The following EVI5 variants were observed in gnomAD, a reference collection of about 807,000 sequenced individuals.
EVI5 encodes the protein ecotropic viral integration site 5.
Under a neutral mutation model 112.0 loss-of-function variants are expected in EVI5, and 73 were observed. The observed-to-expected ratio is 0.65, with a 90% CI of 0.54 to 0.79. The LOEUF is 0.79. Ranked by LOEUF, EVI5 falls within the 30% of genes least tolerant of loss-of-function variation. The pLI, the probability that EVI5 is intolerant of heterozygous loss-of-function variation, is 0.00. For synonymous variants in EVI5, 305 were observed against 319.9 expected (o/e 0.95, Z 0.50); for missense variants, 900 against 968.8 (o/e 0.93, Z 0.94).
intron 19 of EVI5, among the ~76,000 whole-genome samples, chr1:92,519,725 G>A (rs1046254231): frequency 7.3e-5 from 11 of 151,528 alleles, no homozygotes; most frequent in African/African-American, 1.7e-4. Context: ...AAACTCCGTC[G>A]TCTCTACTAA....
At chr1:92,515,450 TTA>T (rs1425101267) in intron 19 of EVI5, among the ~76,000 whole-genome samples, 1 of 152,224 alleles carries the variant, frequency 6.6e-6, no homozygotes, top group Non-Finnish European at 1.5e-5. Context: ...CCTCAAGAGT[TTA>T]TGTTTTAAAG....
intron 10 of EVI5, among the ~76,000 whole-genome samples, chr1:92,669,900 T>C (rs938280340): frequency 2.0e-5 from 3 of 152,000 alleles, no homozygotes; most frequent in Admixed American, 6.6e-5. Context: ...TACCTAGATA[T>C]AGCTACATAC....
chr1:92,642,301 G>A (rs1438905612), intron 13 of EVI5, among the ~76,000 whole-genome samples: 1 of 152,134 alleles, frequency 6.6e-6, no homozygotes, highest in African/African-American at 2.4e-5. Flanking sequence ...TTCCATTAAA[G>A]TAACGCCTCA....
chr1:92,650,313 G>C (rs1277549855), intron 13 of EVI5, among the ~76,000 whole-genome samples: 1 of 152,090 alleles, frequency 6.6e-6, no homozygotes, highest in Non-Finnish European at 1.5e-5. Context: ...ACAAATACGA[G>C]ATAGATTTTC....
chr1:92,603,267 G>A (rs1192026677), intron 18 of EVI5, among the ~76,000 whole-genome samples: 2 of 152,176 alleles, frequency 1.3e-5, no homozygotes, highest in Non-Finnish European at 2.9e-5. Context: ...GTAAAATGGT[G>A]TAGGTTCTGT....
At chr1:92,782,073 A>T (rs1684938259) in intron 1 of EVI5, among the ~76,000 whole-genome samples, 2 of 152,052 alleles carry the variant, frequency 1.3e-5, no homozygotes. Context: ...ACCCTGGCCA[A>T]CATGGTGAAG....
At chr1:92,680,999 GAT>G (rs1667495358) in intron 9 of EVI5, among the ~76,000 whole-genome samples, 1 of 152,134 alleles carries the variant, frequency 6.6e-6, no homozygotes, top group Non-Finnish European at 1.5e-5. Context: ...GGGTGGGGGA[GAT>G]AGTTATACAG....
chr1:92,736,261 C>CA (rs900135659), intron 2 of EVI5, 137 bp downstream of exon 2: 14 of 611,008 alleles, frequency 2.3e-5, no homozygotes, highest in Non-Finnish European at 3.8e-5. Flanking sequence ...AATCTCCCCC[C>CA]AAAAAAGATG....
At chr1:92,704,046 G>C (rs1294133570) in intron 3 of EVI5, 3 of 157,558 alleles carry the variant, frequency 1.9e-5, no homozygotes, top group African/African-American at 7.2e-5. Context: ...TTCGGGCCGG[G>C]TGTAGTAGCT....
At chr1:92,569,051 T>G (rs958004735) in intron 18 of EVI5, among the ~76,000 whole-genome samples, 8 of 152,234 alleles carry the variant, frequency 5.3e-5, no homozygotes, top group African/African-American at 1.9e-4. Context: ...AACCATTTTC[T>G]GTAGAGTTTA....
rs72970646 is a variant in EVI5 at position 92,736,322 on chromosome 1, A to G, written c.149+76T>C. 203 of 962,650 alleles carry G rather than the reference A, an allele frequency of 2.1e-4. No individual in the cohort carries two copies. In the African/African-American group the frequency reaches 3.2e-3, roughly 15 times the overall value. The allele number at this position is 962,650 out of a possible 1,614,324, so 59.6% of individuals were successfully genotyped here. A position where few individuals can be genotyped will look rare whatever the true frequency, so the allele number is the denominator to read the frequency against. Reference sequence around the variant, plus strand: ...AATAAGAAACCAAAAAATAGAAAAAAAAATTCTAGTGTAAGTAAATATGAA... The same window carrying G: ...AATAAGAAACCAAAAAATAGAAAAAGAAATTCTAGTGTAAGTAAATATGAA... On this transcript the variant is annotated intron_variant, in intron 2 of 19. Coordinates refer to ENST00000684568, the MANE Select transcript of EVI5 (RefSeq NM_001350197.2).
intron 2 of EVI5, among the ~76,000 whole-genome samples, chr1:92,728,775 T>C (rs1676009320): frequency 6.6e-6 from 1 of 152,160 alleles, no homozygotes; most frequent in South Asian, 2.1e-4. Context: ...AAGTTTTAAA[T>C]TGTGTACCAT....
intron 15 of EVI5, 78 bp from the exon 16 acceptor site, chr1:92,624,412 A>C (rs1278337399): frequency 8.5e-7 from 1 of 1,173,216 alleles, no homozygotes; most frequent in Non-Finnish European, 1.2e-6. Context: ...CGCTTATTTC[A>C]GGCCTGTGAT....
At chr1:92,612,714 AAAAAAAAAAAGG>A (rs1652141995) in intron 16 of EVI5, among the ~76,000 whole-genome samples, 3 of 123,162 alleles carry the variant, frequency 2.4e-5, no homozygotes, top group Admixed American at 8.3e-5. Context: ...CATCTCAAAA[AAAAAAAAAAAGG>A]AAAAAAAAAA....
chr1:92,553,928 T>C (rs545150630), intron 19 of EVI5, among the ~76,000 whole-genome samples: 1 of 152,370 alleles, frequency 6.6e-6, no homozygotes, highest in Non-Finnish European at 1.5e-5. Flanking sequence ...CTAATTTGTG[T>C]CTTTGAATAA....
intron 5 of EVI5, among the ~76,000 whole-genome samples, chr1:92,701,319 T>C (rs886738699): frequency 3.3e-5 from 5 of 152,204 alleles, no homozygotes; most frequent in Non-Finnish European, 7.3e-5. Flanking sequence ...CATGCTAGGC[T>C]TCTACATACA....
At chr1:92,569,852 C>CA (rs1184172805) in intron 18 of EVI5, among the ~76,000 whole-genome samples, 1,318 of 39,270 alleles carry the variant, frequency 0.034, 118 homozygotes, top group African/African-American at 0.082. Context: ...GACTCCATCT[C>CA]AAAAAAAAAA....
At chr1:92,553,289 C>A (rs1166638371) in intron 19 of EVI5, among the ~76,000 whole-genome samples, 1 of 141,898 alleles carries the variant, frequency 7.0e-6, no homozygotes, top group Non-Finnish European at 1.5e-5. Flanking sequence ...TGCCACCACA[C>A]CTGGCCAATT....
chr1:92,553,716 G>A (rs1428325179), intron 19 of EVI5, among the ~76,000 whole-genome samples: 4 of 152,180 alleles, frequency 2.6e-5, no homozygotes, highest in Non-Finnish European at 5.9e-5. Context: ...TCACAGGTGT[G>A]AGCCACCACG....
Sources: gnomAD v4.1 joint callset for allele counts (sites outside exome capture counted in the v4.1 genomes callset) on GRCh38, gnomAD v4.1.1 for gene constraint, MANE v1.5 for transcripts, NCBI Gene and HGNC (gene_info 2026-07-23, HGNC 2026-07-21) for gene names.